DCPS: variants seen among roughly 807,000 people sequenced by gnomAD.
DCPS encodes decapping enzyme, scavenger, also known as m7GpppX diphosphatase.
In DCPS, 27 loss-of-function variants were observed where a neutral mutation model predicts 34.7. That is an observed-to-expected ratio of 0.78 (90% CI 0.57 to 1.07). The LOEUF (loss-of-function observed/expected upper bound fraction) is 1.07, where lower values mean the gene tolerates loss of function less well. Ranked by LOEUF, DCPS falls within the 50% of genes least tolerant of loss-of-function variation. DCPS has a pLI of 0.00. For synonymous variants in DCPS, 185 were observed against 185.7 expected, an observed-to-expected ratio of 1.00 and a Z score of 0.03; for missense variants, 464 against 436.9, an observed-to-expected ratio of 1.06 and a Z score of -0.55.
rs1591393013 is a variant in DCPS at position 126,342,789 on chromosome 11, A to G, written c.637-518A>G. On this transcript the variant is annotated intron_variant, in intron 4 of 5. Coordinates refer to ENST00000263579, the MANE Select transcript of DCPS (RefSeq NM_014026.6). This position sits in a 1 kb window ranked among gnomAD's most constrained non-coding sequence, Gnocchi z 4.4. ...CGACAGCTCTGGGGAGTGAGCATAT[A>G]GAACTCTCTGCTGGGCGCGGTGGCT... 6.6e-6 allele frequency among the ~76,000 whole-genome samples: 1 copy of G among 152,228 alleles called. No homozygotes were observed. The highest frequency in any genetic ancestry group is 2.4e-5 in the African/African-American group (1 of 41,560).
chr11:126,345,867 C>T lies in DCPS; in HGVS notation c.*254C>T. ...GTCTCCAGGTGGTGGTTTCAACTGACAGGTGGGAGCTGCCCTGGAAGGGTG... is the reference window on the plus strand; with the variant it reads ...GTCTCCAGGTGGTGGTTTCAACTGATAGGTGGGAGCTGCCCTGGAAGGGTG... On this transcript the variant is annotated 3_prime_UTR_variant, in exon 6 of 6. Coordinates refer to ENST00000263579, the MANE Select transcript of DCPS (RefSeq NM_014026.6). The surrounding 1 kb of genome is among the most constrained non-coding windows in gnomAD (Gnocchi z 7.4). 1 of 560,396 alleles carries T rather than the reference C, an allele frequency of 1.8e-6. No homozygotes were observed. Among genetic ancestry groups the T allele is most frequent in the Non-Finnish European group, 3.1e-6 (1 of 320,536 alleles). The allele number at this position is 560,396 out of a possible 1,614,324, so 34.7% of individuals were successfully genotyped here. A position where few individuals can be genotyped will look rare whatever the true frequency, so the allele number is the denominator to read the frequency against.
rs1565383705 is a variant in DCPS, at chr11:126,349,689, T to G, written c.*4076T>G. ...TTTGAATATATTTATTTTATTGATG[T>G]AGGTCTGCCAACTCTTCCTTCTCAG... On this transcript the variant is annotated 3_prime_UTR_variant, in exon 6 of 6. Coordinates refer to ENST00000263579, the MANE Select transcript of DCPS (RefSeq NM_014026.6). The surrounding 1 kb of genome is among the most constrained non-coding windows in gnomAD (Gnocchi z 5.4). Among the ~76,000 whole-genome samples, 1 of 152,378 alleles carries G rather than the reference T, an allele frequency of 6.6e-6. No homozygotes were observed. Among genetic ancestry groups the G allele is most frequent in the East Asian group, 1.9e-4 (1 of 5,196 alleles).
In DCPS at chr11:126,328,863, T is replaced by C. The variant is rs1951760420; in HGVS notation, c.377-2542T>C. Among the ~76,000 whole-genome samples, 1 of 152,188 alleles carries C rather than the reference T, an allele frequency of 6.6e-6. No homozygotes were observed. On this transcript the variant is annotated intron_variant, in intron 2 of 5. Coordinates refer to ENST00000263579, the MANE Select transcript of DCPS (RefSeq NM_014026.6). This position sits in a 1 kb window ranked among gnomAD's most constrained non-coding sequence, Gnocchi z 6.6. Reference sequence around the variant, plus strand: ...CTGAATCTTTCCTTCTACTGACTCGTTTAATTCTCCCAACAGCCCTGGAAG... The same window carrying C: ...CTGAATCTTTCCTTCTACTGACTCGCTTAATTCTCCCAACAGCCCTGGAAG...
chr11:126,316,230 T>C (rs1951657498), intron 2 of DCPS, among the ~76,000 whole-genome samples: 1 of 152,100 alleles, frequency 6.6e-6, no homozygotes, highest in South Asian at 2.1e-4. Context: ...GATAATCCAT[T>C]ACATCAAGCT....
chr11:126,321,662 C>T (rs1220626570), intron 2 of DCPS, among the ~76,000 whole-genome samples: 5 of 150,946 alleles, frequency 3.3e-5, no homozygotes, highest in Admixed American at 2.0e-4. Flanking sequence ...AATAAAGCCT[C>T]AGCTGAAAAA....
In DCPS at chr11:126,334,001, G is replaced by C. The variant is rs1206692841; in HGVS notation, c.522+2451G>C. On this transcript the variant is annotated intron_variant, in intron 3 of 5. Transcript: ENST00000263579. The surrounding 1 kb of genome is among the most constrained non-coding windows in gnomAD (Gnocchi z 5.5). Reference sequence around the variant, plus strand: ...ATGGCCCGATTTGCAGAATTAATTGGTGGAGTGGGGGTGAGCATAGAACAG... The same window carrying C: ...ATGGCCCGATTTGCAGAATTAATTGCTGGAGTGGGGGTGAGCATAGAACAG... Among the ~76,000 whole-genome samples, 2 of 152,146 alleles carry C rather than the reference G, an allele frequency of 1.3e-5. No homozygotes were observed. The highest frequency in any genetic ancestry group is 4.8e-5 in the African/African-American group (2 of 41,416).
rs367644133 is a variant in DCPS at position 126,328,971 on chromosome 11, C to T, written c.377-2434C>T. Among the ~76,000 whole-genome samples the T allele has an allele frequency of 6.6e-4, 100 of 152,296 alleles. No individual in the cohort carries two copies. Among genetic ancestry groups the T allele is most frequent in the Non-Finnish European group, 1.1e-3 (72 of 68,024 alleles). Reference sequence around the variant, plus strand: ...AGTGTCAGTCACTAGCCTGAGGTTACGCCACTAATAAGTGCAGAGCCAGGA... The same window carrying T: ...AGTGTCAGTCACTAGCCTGAGGTTATGCCACTAATAAGTGCAGAGCCAGGA... On this transcript the variant is annotated intron_variant, in intron 2 of 5. Coordinates refer to ENST00000263579, the MANE Select transcript of DCPS (RefSeq NM_014026.6). The surrounding 1 kb of genome is among the most constrained non-coding windows in gnomAD (Gnocchi z 6.6).
rs1412109757 is a variant in DCPS, at chr11:126,323,934, G to A, written c.377-7471G>A. On this transcript the variant is annotated intron_variant, in intron 2 of 5. Transcript: ENST00000263579. The surrounding 1 kb of genome is among the most constrained non-coding windows in gnomAD (Gnocchi z 4.4). ...CAACCTCTACCTCCCAGGTTCAAGCGATTCTTCCGCCTCAGCCTCCCGAGT... is the reference window on the plus strand; with the variant it reads ...CAACCTCTACCTCCCAGGTTCAAGCAATTCTTCCGCCTCAGCCTCCCGAGT... 6.6e-6 allele frequency among the ~76,000 whole-genome samples: 1 copy of A among 152,044 alleles called. No homozygotes were observed. The highest frequency in any genetic ancestry group is 1.5e-5 in the Non-Finnish European group (1 of 68,006).
Position 126,345,295 on chromosome 11 carries a change from CG to C in DCPS, c.748-49del. On this transcript the variant is annotated intron_variant, in intron 5 of 5. Transcript: ENST00000263579. This position sits in a 1 kb window ranked among gnomAD's most constrained non-coding sequence, Gnocchi z 7.4. ...GAGGGTCTAGGTGGGGACATGGCGC[CG>C]GGCCTCAGGCAGCACGGTGACTCCT... 6.2e-7 allele frequency: 1 copy of C among 1,601,722 alleles called. No individual in the cohort carries two copies. The highest frequency in any genetic ancestry group is 1.7e-5 in the Admixed American group (1 of 59,664).
Position 126,345,573 on chromosome 11 carries a change from A to AC in DCPS, c.979dup (p.Leu327ProfsTer14). On this transcript the variant is annotated frameshift_variant, in exon 6 of 6. Coordinates refer to ENST00000263579, the MANE Select transcript of DCPS (RefSeq NM_014026.6). LOFTEE classifies it high-confidence loss of function. This position sits in a 1 kb window ranked among gnomAD's most constrained non-coding sequence, Gnocchi z 7.4. The stretch of plus-strand genomic sequence containing the variant: ...CTCACCTTCGCCCTCAGGGCTGACG[A>AC]CCCCCTGCTCAAGCTCTTGCAGGAG... 1 of 1,613,514 alleles carries AC rather than the reference A, an allele frequency of 6.2e-7. No homozygotes were observed. Among genetic ancestry groups the AC allele is most frequent in the Non-Finnish European group, 8.5e-7 (1 of 1,179,954 alleles).
At chr11:126,330,172 T>C (rs1035879385) in intron 2 of DCPS, among the ~76,000 whole-genome samples, 12 of 150,946 alleles carry the variant, frequency 7.9e-5, no homozygotes, top group African/African-American at 2.4e-4. Flanking sequence ...GCTTCTCACC[T>C]GGGGACACTT....
intron 2 of DCPS, among the ~76,000 whole-genome samples, chr11:126,309,322 C>T (rs1246803652): frequency 2.0e-5 from 3 of 152,116 alleles, no homozygotes; most frequent in Admixed American, 6.5e-5. Flanking sequence ...GCCTTCCTGC[C>T]TTCTTGGTAT....
intron 2 of DCPS, among the ~76,000 whole-genome samples, chr11:126,321,376 GAGC>G (rs1951705583): frequency 1.3e-5 from 2 of 152,128 alleles, no homozygotes; most frequent in Non-Finnish European, 2.9e-5. Context: ...TTTACACCTT[GAGC>G]ATTTGCAGTG....
chr11:126,330,848 C>T (rs1388483224), intron 2 of DCPS, among the ~76,000 whole-genome samples: 2 of 149,384 alleles, frequency 1.3e-5, no homozygotes, highest in African/African-American at 2.5e-5. Flanking sequence ...GTGGTTCTCC[C>T]GCCTCAGCCT....
chr11:126,347,112 G>T lies in DCPS; in HGVS notation c.*1499G>T, dbSNP rs948279848. On this transcript the variant is annotated 3_prime_UTR_variant, in exon 6 of 6. Coordinates refer to ENST00000263579, the MANE Select transcript of DCPS (RefSeq NM_014026.6). The surrounding 1 kb of genome is among the most constrained non-coding windows in gnomAD (Gnocchi z 4.2). ...AAATTAAAAAAATAGAAACAGCCGG[G>T]GAGTGGAGGGTGTGGTCAGAAAGCC... Among the ~76,000 whole-genome samples, 1 of 151,898 alleles carries T rather than the reference G, an allele frequency of 6.6e-6. No individual in the cohort carries two copies. Among genetic ancestry groups the T allele is most frequent in the Non-Finnish European group, 1.5e-5 (1 of 67,980 alleles).
Position 126,325,729 on chromosome 11 carries a change from C to G in DCPS, c.377-5676C>G, listed in dbSNP as rs1951734449. 6.6e-6 allele frequency among the ~76,000 whole-genome samples: 1 copy of G among 152,190 alleles called. No homozygotes were observed. Among genetic ancestry groups the G allele is most frequent in the South Asian group, 2.1e-4 (1 of 4,828 alleles). On this transcript the variant is annotated intron_variant, in intron 2 of 5. Transcript: ENST00000263579. The surrounding 1 kb of genome is among the most constrained non-coding windows in gnomAD (Gnocchi z 4.3). ...TGTTAAAAAGCATGACAGGGGAACT[C>G]TGTAAGGAGTGTTGGAGGTGCTCTT...
At chr11:126,324,546 G>A (rs991502944) in intron 2 of DCPS, among the ~76,000 whole-genome samples, 13 of 150,512 alleles carry the variant, frequency 8.6e-5, no homozygotes, top group African/African-American at 3.2e-4. Context: ...CCTCCGTTTC[G>A]CAGCTCAAGG....
intron 2 of DCPS, among the ~76,000 whole-genome samples, chr11:126,310,927 G>A (rs1408596962): frequency 6.6e-6 from 1 of 152,244 alleles, no homozygotes; most frequent in Non-Finnish European, 1.5e-5. Flanking sequence ...TTGCCTAGGG[G>A]AGCCCCCACC....
In DCPS at chr11:126,339,458, G is replaced by A. The variant is rs1951860628; in HGVS notation, c.636+1059G>A. On this transcript the variant is annotated intron_variant, in intron 4 of 5. Transcript: ENST00000263579. ...TATGACACCTTCAGTTTTGACGTGG[G>A]GTAAAGGGGTGGGATTGTGGCTCAG... Among the ~76,000 whole-genome samples, 6 of 152,318 alleles carry A rather than the reference G, an allele frequency of 3.9e-5. No homozygotes were observed. In the South Asian group the frequency reaches 1.0e-3, roughly 26 times the overall value.
Sources: gnomAD v4.1 joint callset for allele counts (sites outside exome capture counted in the v4.1 genomes callset) on GRCh38, gnomAD v4.1.1 for gene constraint, Gnocchi (gnomAD v3.1) non-coding constraint, MANE v1.5 for transcripts, NCBI Gene and HGNC (gene_info 2026-07-23, HGNC 2026-07-21) for gene names.